PAPOLG: variants seen among roughly 807,000 people sequenced by gnomAD.
PAPOLG encodes the protein poly(A) polymerase gamma.
PAPOLG carries 40 observed loss-of-function variants against 99.0 expected under a neutral mutation model. That is an observed-to-expected ratio of 0.40 (90% CI 0.31 to 0.53). The LOEUF is 0.53. PAPOLG is among the 20% of genes least tolerant of loss of function. The pLI is 0.41. For missense variants in PAPOLG, 675 were observed against 884.1 expected (o/e 0.76, Z 3.00); for synonymous variants, 310 against 299.3 (o/e 1.04, Z -0.37).
In PAPOLG at chr2:60,797,364, T is replaced by G. The variant is rs1212047435; in HGVS notation, c.*204T>G. 1.7e-6 allele frequency: 1 copy of G among 588,252 alleles called. No homozygotes were observed. The highest frequency in any genetic ancestry group is 3.0e-6 in the Non-Finnish European group (1 of 338,576). 36.4% of individuals were successfully genotyped at this position (588,252 alleles called of 1,614,324 possible). ...TTCTCTCACTGATTGCTACATACACTTCTCTGAGGATCACCTGCTGTCAAA... is the reference window on the plus strand; with the variant it reads ...TTCTCTCACTGATTGCTACATACACGTCTCTGAGGATCACCTGCTGTCAAA... On this transcript the variant is annotated 3_prime_UTR_variant, in exon 22 of 22. Coordinates refer to ENST00000238714, the MANE Select transcript of PAPOLG (RefSeq NM_022894.4).
rs973175167 is a variant in PAPOLG at position 60,794,247 on chromosome 2, TAAAG to T, written c.1989+60_1989+63del. On this transcript the variant is annotated intron_variant, in intron 19 of 21. Coordinates refer to ENST00000238714, the MANE Select transcript of PAPOLG (RefSeq NM_022894.4). ...AGTTGATATTTTTTATAGTTAATAC[TAAAG>T]AAACAATTTTCCATAGCTGTTGGTG... is the stretch of plus-strand genomic sequence containing the variant. 17 of 1,489,522 alleles carry T rather than the reference TAAAG, an allele frequency of 1.1e-5. 1 individual carries two copies. The highest frequency in any genetic ancestry group is 5.7e-5 in the African/African-American group (4 of 70,512). The allele number at this position is 1,489,522 out of a possible 1,614,324, so 92.3% of individuals were successfully genotyped here.
chr2:60,794,920 A>G (rs950551497), intron 20 of PAPOLG, 44 bp from the exon 21 acceptor site: 2 of 1,606,030 alleles, frequency 1.2e-6, no homozygotes, highest in African/African-American at 2.7e-5. Flanking sequence ...GTGTTTGCAT[A>G]TAGGAAAGTT....
chr2:60,772,679 C>T (rs906101180), intron 7 of PAPOLG, among the ~76,000 whole-genome samples: 1 of 151,906 alleles, frequency 6.6e-6, no homozygotes, highest in African/African-American at 2.4e-5. Context: ...ACCCAGAAGG[C>T]GGAGGTTGTG....
Position 60,797,258 on chromosome 2 carries a change from AG to A in PAPOLG, c.*100del. On this transcript the variant is annotated 3_prime_UTR_variant, in exon 22 of 22. Transcript: ENST00000238714. ...AGAAGTGGCTGTCATACGTGAAATA[AG>A]GTGAAAGTGACAGCCTTCAGTCTAA... 6.9e-7 allele frequency: 1 copy of A among 1,455,564 alleles called. No homozygotes were observed. The highest frequency in any genetic ancestry group is 9.5e-7 in the Non-Finnish European group (1 of 1,049,214). The allele number at this position is 1,455,564 out of a possible 1,614,324, so 90.2% of individuals were successfully genotyped here. A position where few individuals can be genotyped will look rare whatever the true frequency, so the allele number is the denominator to read the frequency against.
intron 11 of PAPOLG, 183 bp from the exon 12 acceptor site, chr2:60,782,503 G>A: frequency 1.3e-6 from 1 of 784,220 alleles, no homozygotes; most frequent in Non-Finnish European, 1.5e-6. Flanking sequence ...GTTGCAGTGA[G>A]CCGAGATAGA....
At chr2:60,771,724 T>A (rs1051517912) in intron 7 of PAPOLG, 94 bp downstream of exon 7, 1 of 1,344,530 alleles carries the variant, frequency 7.4e-7, no homozygotes, top group Non-Finnish European at 1.0e-6. Context: ...TTTTGGAGAT[T>A]GGACTCAGTT....
In PAPOLG at chr2:60,783,166, G is replaced by A; in HGVS notation, c.1123G>A (p.Val375Ile). 1 of 1,589,472 alleles carries A rather than the reference G, an allele frequency of 6.3e-7. No individual in the cohort carries two copies. Among genetic ancestry groups the A allele is most frequent in the Non-Finnish European group, 8.5e-7 (1 of 1,170,432 alleles). ...CTGAAAATTCTTCAGACATTATATA[G>A]TATTGACTGCCAGCGCATCAACAGA... ...NFFQKYRHYIVLTASASTEEN... is the reference protein window; with the variant it reads ...NFFQKYRHYIILTASASTEEN... The change falls in exon 13 of 22, where the codon GTA becomes ATA. Residue 375 changes from valine to isoleucine, a missense_variant. Physicochemically the swap from Val to Ile is conservative, Grantham distance 29. Coordinates refer to ENST00000238714, the MANE Select transcript of PAPOLG (RefSeq NM_022894.4).
At chr2:60,756,935 A>G (rs1670363186) in intron 1 of PAPOLG, among the ~76,000 whole-genome samples, 1 of 151,794 alleles carries the variant, frequency 6.6e-6, no homozygotes, top group Non-Finnish European at 1.5e-5. Context: ...TCGCAGCCCA[A>G]GGGTTTCTCT....
intron 1 of PAPOLG, among the ~76,000 whole-genome samples, chr2:60,757,370 C>G (rs1264442192): frequency 1.3e-5 from 2 of 152,226 alleles, no homozygotes; most frequent in African/African-American, 4.8e-5. Context: ...TCTCCACAGT[C>G]TTGAATTTGA....
In PAPOLG at chr2:60,768,821, G is replaced by A; in HGVS notation, c.369G>A (p.Val123=). The A allele has an allele frequency of 6.3e-7, 1 of 1,597,806 alleles. No individual in the cohort carries two copies. Among genetic ancestry groups the A allele is most frequent in the Non-Finnish European group, 8.5e-7 (1 of 1,170,542 alleles). ...IDALCVAPRH[V]ERSDFFQSFF... is the part of the protein sequence containing the mutation. ...CACTTTGTGTAGCTCCAAGACATGT[G>A]GAAAGATCTGATTTTTTTCAGTCTT... The change falls in exon 5 of 22, where the codon GTG becomes GTA. Residue 123 remains valine (V), a synonymous_variant. Transcript: ENST00000238714.
At chr2:60,782,094 T>TAGGA in intron 11 of PAPOLG, 89 bp downstream of exon 11, 1 of 1,333,360 alleles carries the variant, frequency 7.5e-7, no homozygotes, top group Admixed American at 1.7e-5. Context: ...GATTGGCAGT[T>TAGGA]AGAGTTATAC....
In PAPOLG at chr2:60,794,079, A is replaced by C. The variant is rs1327489712; in HGVS notation, c.1877A>C (p.Gln626Pro). The change falls in exon 19 of 22, where the codon CAG becomes CCG. Residue 626 changes from glutamine (Q) to proline (P), a missense_variant. Physicochemically the swap from Gln to Pro is moderately conservative, Grantham distance 76 (BLOSUM62 -1). Coordinates refer to ENST00000238714, the MANE Select transcript of PAPOLG (RefSeq NM_022894.4). ...ATCACAACACCTCACAACCCTGCCC[A>C]GGGACAACCGCATCTGAATGGAATG... ...PRITTPHNPA[Q>P]GQPHLNGMSN... 1 of 1,614,154 alleles carries C rather than the reference A, an allele frequency of 6.2e-7. No individual in the cohort carries two copies. The highest frequency in any genetic ancestry group is 1.7e-5 in the Admixed American group (1 of 60,018).
At chr2:60,758,936 G>A (rs184560513) in intron 1 of PAPOLG, among the ~76,000 whole-genome samples, 1 of 152,292 alleles carries the variant, frequency 6.6e-6, no homozygotes, top group African/African-American at 2.4e-5. Flanking sequence ...CTTCATGGAA[G>A]CATGGTGAAG....
rs780627523 is a variant in PAPOLG at position 60,794,027 on chromosome 2, G to A, written c.1825G>A (p.Val609Ile). Reference sequence around the variant, plus strand: ...CCCCACTGTGTGTACCATTCCTACCGTAGTAGGACGAAATGTCATTCCTAG... The same window carrying A: ...CCCCACTGTGTGTACCATTCCTACCATAGTAGGACGAAATGTCATTCCTAG... ...SPPTVCTIPT[V>I]VGRNVIPRIT... Residue 609 changes from valine (V) to isoleucine (I), a missense_variant, in exon 19 of 22, where the codon GTA (valine) becomes ATA (isoleucine). Around this residue, in one of 3 missense-constraint regions of PAPOLG, gnomAD observed 413 missense variants for 460.5 expected, o/e 0.90. Transcript: ENST00000238714. The A allele has an allele frequency of 7.4e-6, 12 of 1,611,482 alleles. No homozygotes were observed. Among genetic ancestry groups the A allele is most frequent in the African/African-American group, 1.3e-5 (1 of 74,938 alleles).
At chr2:60,774,490 TG>T (rs1670955464) in intron 7 of PAPOLG, among the ~76,000 whole-genome samples, 1 of 151,980 alleles carries the variant, frequency 6.6e-6, no homozygotes, top group Non-Finnish European at 1.5e-5. Context: ...CTCAGCCCTT[TG>T]AGTAGCTGGG....
At chr2:60,782,653 CTTTT>C (rs747526129) in intron 11 of PAPOLG, 29 bp from the exon 12 acceptor site, 1,903 of 1,060,212 alleles carry the variant, frequency 1.8e-3, no homozygotes, top group East Asian at 0.011. Context: ...CATTCTTCTT[CTTTT>C]TTTTTTTTTT....
chr2:60,776,723 CG>C (rs1186582575), intron 8 of PAPOLG, among the ~76,000 whole-genome samples: 1 of 152,052 alleles, frequency 6.6e-6, no homozygotes, highest in Admixed American at 6.6e-5. Flanking sequence ...CCACCATGCC[CG>C]GCCAGCTTCA....
At chr2:60,767,388 T>C (rs112287891) in intron 3 of PAPOLG, among the ~76,000 whole-genome samples, 64 of 151,732 alleles carry the variant, frequency 4.2e-4, no homozygotes, top group Non-Finnish European at 8.5e-4. Context: ...TTGTTGAGGC[T>C]GAACCTCCTG....
intron 3 of PAPOLG, among the ~76,000 whole-genome samples, chr2:60,767,903 G>T (rs1412744228): frequency 6.6e-6 from 1 of 152,176 alleles, no homozygotes; most frequent in East Asian, 1.9e-4. Context: ...TGATTAAAAA[G>T]AAAAGCTTTT....
Sources: allele counts gnomAD v4.1 joint callset (sites outside exome capture counted in the v4.1 genomes callset), GRCh38; gene constraint gnomAD v4.1.1; regional missense constraint gnomAD v4.1.1; transcripts MANE v1.5; gene names NCBI Gene and HGNC (gene_info 2026-07-23, HGNC 2026-07-21).